Variants in DIP2C observed in about 807,000 individuals in gnomAD.
DIP2C encodes the protein DIP2 acetate--CoA ligase C (putative).
Under a neutral mutation model 192.4 loss-of-function variants are expected in DIP2C, and 33 were observed. The ratio of observed to expected loss-of-function variants is 0.17; its 90% CI spans 0.13 to 0.23. The LOEUF (loss-of-function observed/expected upper bound fraction) is 0.23, where lower values mean the gene tolerates loss of function less well. Among genes scored for constraint, DIP2C ranks in the 10% least tolerant of loss-of-function variants. The pLI, the probability that DIP2C is intolerant of heterozygous loss-of-function variation, is 1.00. For synonymous variants in DIP2C, 979 were observed against 864.1 expected, an observed-to-expected ratio of 1.13 and a Z score of -2.33; for missense variants, 1,537 against 2,110.1, an observed-to-expected ratio of 0.73 and a Z score of 5.32.
chr10:464,848 A>T (rs1016561283), intron 3 of DIP2C, among the ~76,000 whole-genome samples: 4 of 151,934 alleles, frequency 2.6e-5, no homozygotes, highest in African/African-American at 9.7e-5. Flanking sequence ...AAGAAGTTGA[A>T]TCTCTGAATA....
intron 4 of DIP2C, among the ~76,000 whole-genome samples, chr10:435,312 G>A (rs939926686): frequency 2.6e-5 from 4 of 152,204 alleles, no homozygotes; most frequent in Non-Finnish European, 4.4e-5. Context: ...CTAGTTAAGA[G>A]TGCTCCTGCA....
chr10:570,153 A>G (rs1849692871), intron 1 of DIP2C, among the ~76,000 whole-genome samples: 1 of 152,202 alleles, frequency 6.6e-6, no homozygotes, highest in Admixed American at 6.5e-5. Flanking sequence ...TCAGGCACAA[A>G]GCAGCTCCAG....
chr10:654,461 A>G (rs997384775), intron 1 of DIP2C, among the ~76,000 whole-genome samples: 1 of 152,210 alleles, frequency 6.6e-6, no homozygotes, highest in East Asian at 1.9e-4. Flanking sequence ...CAGTATTTAT[A>G]GCGTGGAGGG....
At chr10:445,469 A>T (rs1212243973) in intron 3 of DIP2C, among the ~76,000 whole-genome samples, 1 of 150,202 alleles carries the variant, frequency 6.7e-6, no homozygotes, top group African/African-American at 2.5e-5. Context: ...TCACAGGCCC[A>T]CTGGACATCT....
At chr10:531,155 C>T (rs1392041216) in intron 1 of DIP2C, among the ~76,000 whole-genome samples, 1 of 152,170 alleles carries the variant, frequency 6.6e-6, no homozygotes, top group Non-Finnish European at 1.5e-5. Context: ...TACGCTCGCC[C>T]CAAGGTGAAC....
At chr10:338,828 C>CCTGCACG (rs1192175077) in intron 29 of DIP2C, among the ~76,000 whole-genome samples, 5 of 149,044 alleles carry the variant, frequency 3.4e-5, no homozygotes, top group Non-Finnish European at 7.5e-5. Flanking sequence ...GCCCACGCCA[C>CCTGCACG]CTGCACGCTG....
intron 8 of DIP2C, among the ~76,000 whole-genome samples, chr10:409,820 G>T (rs1224935795): frequency 3.3e-5 from 5 of 152,198 alleles, no homozygotes; most frequent in Admixed American, 6.5e-5. Context: ...AAAGATAATG[G>T]TAAATGTAAC....
intron 3 of DIP2C, among the ~76,000 whole-genome samples, chr10:442,937 CTTT>C (rs929143650): frequency 2.6e-4 from 40 of 152,228 alleles, no homozygotes; most frequent in African/African-American, 9.1e-4. Flanking sequence ...AGTTTCTCAG[CTTT>C]TTTGTTTCTT....
intron 17 of DIP2C, among the ~76,000 whole-genome samples, chr10:370,224 G>A (rs1960798162): frequency 6.6e-6 from 1 of 152,278 alleles, no homozygotes. Context: ...CAGGCAAGCT[G>A]TAGAATGCAT....
In DIP2C at chr10:395,936, G is replaced by A. The variant is rs374848840; in HGVS notation, c.1260+3173C>T. On this transcript the variant is annotated intron_variant, in intron 10 of 36. Coordinates refer to ENST00000280886, the MANE Select transcript of DIP2C (RefSeq NM_014974.3). Reference sequence around the variant, plus strand: ...TTCTCCTGCTATGCTCCCTGCCCTCGGACCACAGAGAGTCCCCCCGAGATG... The same window carrying A: ...TTCTCCTGCTATGCTCCCTGCCCTCAGACCACAGAGAGTCCCCCCGAGATG... Among the ~76,000 whole-genome samples the A allele has an allele frequency of 1.1e-3, 162 of 152,170 alleles. No individual in the cohort carries two copies. The South Asian group carries it at 0.032, about 30-fold the overall frequency.
At chr10:567,486 C>G (rs770516681) in intron 1 of DIP2C, among the ~76,000 whole-genome samples, 7 of 152,058 alleles carry the variant, frequency 4.6e-5, no homozygotes, top group Admixed American at 2.0e-4. Flanking sequence ...ACCCCTGCTC[C>G]CAGCCACAAC....
intron 1 of DIP2C, among the ~76,000 whole-genome samples, chr10:493,747 C>CA (rs906784569): frequency 1.3e-5 from 2 of 152,234 alleles, no homozygotes; most frequent in African/African-American, 4.8e-5. Flanking sequence ...TATCCACCTA[C>CA]AAAGTCGGGG....
chr10:444,587 T>C (rs1364322957), intron 3 of DIP2C, among the ~76,000 whole-genome samples: 1 of 151,914 alleles, frequency 6.6e-6, no homozygotes, highest in Non-Finnish European at 1.5e-5. Context: ...CAGCATGGTG[T>C]TCACTCCAGA....
intron 4 of DIP2C, among the ~76,000 whole-genome samples, chr10:440,631 G>A (rs934109117): frequency 6.6e-6 from 1 of 152,088 alleles, no homozygotes; most frequent in Non-Finnish European, 1.5e-5. Flanking sequence ...GATTTTACTG[G>A]TATGTATCAT....
chr10:387,736 C>T lies in DIP2C; in HGVS notation c.1662+9G>A. 6.2e-7 allele frequency: 1 copy of T among 1,614,080 alleles called. No individual in the cohort carries two copies. Among genetic ancestry groups the T allele is most frequent in the Non-Finnish European group, 8.5e-7 (1 of 1,179,990 alleles). ...TGTGGACAGACACGGCCGGGGGGAC[C>T]TCACTTACTGTCAGGATGCCATGCC... On this transcript the variant is annotated intron_variant, in intron 14 of 36. Transcript: ENST00000280886.
chr10:607,223 G>C (rs538176668), intron 1 of DIP2C, among the ~76,000 whole-genome samples: 2 of 152,212 alleles, frequency 1.3e-5, no homozygotes, highest in African/African-American at 4.8e-5. Context: ...GAAGACACCA[G>C]TGAGAACTGA....
chr10:437,533 G>C (rs757169716), intron 4 of DIP2C: 1 of 152,290 alleles, frequency 6.6e-6, no homozygotes, highest in African/African-American at 2.4e-5. Context: ...CAAATGTACT[G>C]TCTGTGCGTC....
chr10:343,130 A>C (rs898228369), intron 28 of DIP2C, among the ~76,000 whole-genome samples: 7 of 152,182 alleles, frequency 4.6e-5, no homozygotes, highest in African/African-American at 1.7e-4. Flanking sequence ...TCTACTAAAC[A>C]TACAAAAAAT....
chr10:633,311 G>A (rs1854634391), intron 1 of DIP2C, among the ~76,000 whole-genome samples: 1 of 152,214 alleles, frequency 6.6e-6, no homozygotes, highest in Non-Finnish European at 1.5e-5. Flanking sequence ...TGGGCACTGA[G>A]CAGAGAGAGA....
Sources: allele counts gnomAD v4.1 joint callset (sites outside exome capture counted in the v4.1 genomes callset), GRCh38; gene constraint gnomAD v4.1.1; transcripts MANE v1.5; gene names NCBI Gene and HGNC (gene_info 2026-07-23, HGNC 2026-07-21).